The following SPNS2 variants were observed in gnomAD, a reference collection of about 807,000 sequenced individuals.
SPNS2 encodes sphingosine-1-phosphate transporter SPNS2.
SPNS2 carries 37 observed loss-of-function variants against 57.6 expected under a neutral mutation model. That is an observed-to-expected ratio of 0.64 (90% CI 0.49 to 0.85). The LOEUF is 0.85. Ranked by LOEUF, SPNS2 falls within the 40% of genes least tolerant of loss-of-function variation. The pLI is 0.00. For synonymous variants in SPNS2, 440 were observed against 346.9 expected, an observed-to-expected ratio of 1.27 and a Z score of -2.98; for missense variants, 831 against 779.1, an observed-to-expected ratio of 1.07 and a Z score of -0.79.
At chr17:4,507,955 G>A (rs1360865756) in intron 1 of SPNS2, among the ~76,000 whole-genome samples, 1 of 152,224 alleles carries the variant, frequency 6.6e-6, no homozygotes, top group Non-Finnish European at 1.5e-5. Flanking sequence ...CTGGCTGGAG[G>A]AGGGAGGAGG....
rs575394152 is a variant in SPNS2 at position 4,518,306 on chromosome 17, C to T, written c.436+4994C>T. Among the ~76,000 whole-genome samples, 7 of 152,196 alleles carry T rather than the reference C, an allele frequency of 4.6e-5. No homozygotes were observed. The South Asian group carries it at 1.2e-3, about 27-fold the overall frequency. The stretch of plus-strand genomic sequence containing the variant: ...TTGGGAGGCTGAGGCGGGTGGATCA[C>T]GAGGTCAGGAGATCGAGACCATCCT... On this transcript the variant is annotated intron_variant, in intron 2 of 12. Coordinates refer to ENST00000329078, the MANE Select transcript of SPNS2 (RefSeq NM_001124758.3).
chr17:4,536,962 G>T lies in SPNS2; in HGVS notation c.*4+16G>T. 6.2e-7 allele frequency: 1 copy of T among 1,612,166 alleles called. No individual in the cohort carries two copies. The highest frequency in any genetic ancestry group is 8.5e-7 in the Non-Finnish European group (1 of 1,179,276). ...GTCTGAGGTGGTGAGTGCAGGCCGG[G>T]AGGCACGTGGGGGCTCCCTAAGGAA... On this transcript the variant is annotated intron_variant, in intron 12 of 12. Coordinates refer to ENST00000329078, the MANE Select transcript of SPNS2 (RefSeq NM_001124758.3).
intron 3 of SPNS2, among the ~76,000 whole-genome samples, chr17:4,528,099 T>G (rs920010150): frequency 2.0e-5 from 3 of 152,140 alleles, no homozygotes; most frequent in Non-Finnish European, 2.9e-5. Flanking sequence ...CTGGGTTCAC[T>G]GCAACCTCCG....
intron 3 of SPNS2, among the ~76,000 whole-genome samples, chr17:4,529,213 C>T (rs558089059): frequency 2.0e-5 from 3 of 151,884 alleles, no homozygotes; most frequent in South Asian, 2.1e-4. Flanking sequence ...GGATTACAGG[C>T]GTGAGCCACT....
chr17:4,521,183 C>A (rs1022770394), intron 2 of SPNS2, among the ~76,000 whole-genome samples: 1 of 152,106 alleles, frequency 6.6e-6, no homozygotes, highest in Non-Finnish European at 1.5e-5. Context: ...AAGATCTGCC[C>A]CTGGCCAGAC....
At position 4,536,155 on chromosome 17, in the gene SPNS2, G is replaced by C; in HGVS notation, c.1424G>C (p.Ser475Thr). The change falls in exon 10 of 13, where the codon AGC becomes ACC. Residue 475 changes from serine to threonine, a missense_variant. By Grantham distance (58) the Ser-to-Thr change is moderately conservative. Coordinates refer to ENST00000329078, the MANE Select transcript of SPNS2 (RefSeq NM_001124758.3). Reference protein sequence around the residue: ...FTSHLLGDAGSPYLIGFISDL... With the variant: ...FTSHLLGDAGTPYLIGFISDL... ...TCCCACCTGCTGGGGGACGCCGGGA[G>C]CCCCTACCTCATTGGCTTTGTGAGT... 1 of 1,612,390 alleles carries C rather than the reference G, an allele frequency of 6.2e-7. No individual in the cohort carries two copies. The highest frequency in any genetic ancestry group is 8.5e-7 in the Non-Finnish European group (1 of 1,179,830).
chr17:4,534,598 TGA>T (rs1905675915), intron 9 of SPNS2, among the ~76,000 whole-genome samples: 1 of 151,878 alleles, frequency 6.6e-6, no homozygotes, highest in South Asian at 2.1e-4. Context: ...GCCCGGGAGA[TGA>T]GTGTGCCAGG....
intron 1 of SPNS2, among the ~76,000 whole-genome samples, chr17:4,501,504 G>A (rs1286846859): frequency 1.3e-5 from 2 of 152,162 alleles, no homozygotes. Context: ...GGAAAGTCCT[G>A]TGCAAACACT....
chr17:4,501,170 T>C (rs978335100), intron 1 of SPNS2, among the ~76,000 whole-genome samples: 1 of 152,182 alleles, frequency 6.6e-6, no homozygotes, highest in Admixed American at 6.5e-5. Context: ...ACAGTAAGGC[T>C]CTGCCTGGGA....
In SPNS2 at chr17:4,536,355, G is replaced by A. The variant is rs1469485254; in HGVS notation, c.1536G>A (p.Val512=). ...CGCTCATGCTCTGCCCTTTCGTCGT[G>A]GTCCTGGGCGGCATGTTCTTCCTCG... ...GYALMLCPFV[V]VLGGMFFLAT... The change falls in exon 11 of 13, where the codon GTG becomes GTA. Residue 512 remains valine (V), a synonymous_variant. Transcript: ENST00000329078. 6.2e-7 allele frequency: 1 copy of A among 1,610,568 alleles called. No individual in the cohort carries two copies. The highest frequency in any genetic ancestry group is 2.2e-5 in the East Asian group (1 of 44,872).
rs756173574 is a variant in SPNS2 at position 4,538,958 on chromosome 17, G to A, written c.*1510G>A. ...TGCTCCTTTATTTTTTAGAGCTGCT[G>A]ATTGTGAATCTCAGAGTCTTAAGAG... On this transcript the variant is annotated 3_prime_UTR_variant, in exon 13 of 13. Transcript: ENST00000329078. 3 of 786,630 alleles carry A rather than the reference G, an allele frequency of 3.8e-6. 1 individual carries two copies. Among genetic ancestry groups the A allele is most frequent in the Admixed American group, 3.4e-5 (2 of 59,038 alleles). 48.7% of individuals were successfully genotyped at this position (786,630 alleles called of 1,614,324 possible).
intron 3 of SPNS2, among the ~76,000 whole-genome samples, chr17:4,527,059 G>A (rs1007134560): frequency 1.2e-4 from 18 of 152,192 alleles, no homozygotes; most frequent in African/African-American, 3.9e-4. Context: ...TGCCAGGTCC[G>A]GGTCCATCTC....
chr17:4,515,323 G>C (rs1347225253), intron 2 of SPNS2, among the ~76,000 whole-genome samples: 1 of 152,188 alleles, frequency 6.6e-6, no homozygotes, highest in African/African-American at 2.4e-5. Context: ...AGGGACAAAG[G>C]CCCAAGACAG....
At position 4,533,228 on chromosome 17, in the gene SPNS2, C is replaced by T. The variant is rs1465980722; in HGVS notation, c.1089-15C>T. The T allele has an allele frequency of 5.7e-6, 9 of 1,589,482 alleles. No individual in the cohort carries two copies. Among genetic ancestry groups the T allele is most frequent in the Non-Finnish European group, 3.4e-6 (4 of 1,164,486 alleles). On this transcript the variant is annotated splice_polypyrimidine_tract_variant and intron_variant, in intron 7 of 12. Transcript: ENST00000329078. ...GCCGCCTCAACTCGTGCGCCACCAT[C>T]CTCTGTCCCCACAGCCTCATCTTTG...
Position 4,533,007 on chromosome 17 carries a change from G to A in SPNS2, c.966G>A (p.Thr322=), listed in dbSNP as rs61733345. 1,733 of 1,613,134 alleles carry A rather than the reference G, an allele frequency of 1.1e-3. 15 individuals are homozygous for A. In the African/African-American group the frequency reaches 0.018, roughly 17 times the overall value. ...GCTACGTCTTCTCCTCCCTGGCCAC[G>A]TCGGCTGTCTCCTTCGCCACGGGGG... ...NRSYVFSSLA[T]SAVSFATGAL... Residue 322 remains threonine (T), a synonymous_variant, in exon 7 of 13, where the codon ACG becomes ACA. Coordinates refer to ENST00000329078, the MANE Select transcript of SPNS2 (RefSeq NM_001124758.3).
At position 4,498,932 on chromosome 17, in the gene SPNS2, C is replaced by A. The variant is rs1051203181; in HGVS notation, c.-116C>A. On this transcript the variant is annotated 5_prime_UTR_variant, in exon 1 of 13. Transcript: ENST00000329078. ...GCAGCCGGGGCCGGAGCGCAGGAGC[C>A]GACGGGGCCCGACCAGGATGGTGCA... 6 of 549,720 alleles carry A rather than the reference C, an allele frequency of 1.1e-5. No homozygotes were observed. Among genetic ancestry groups the A allele is most frequent in the African/African-American group, 2.1e-5 (1 of 48,450 alleles). 34.1% of individuals were successfully genotyped at this position (549,720 alleles called of 1,614,324 possible).
At chr17:4,527,739 C>T (rs1466931767) in intron 3 of SPNS2, among the ~76,000 whole-genome samples, 1 of 152,140 alleles carries the variant, frequency 6.6e-6, no homozygotes, top group Non-Finnish European at 1.5e-5. Context: ...AAAAGGCTGA[C>T]AATACCAAGT....
Position 4,512,099 on chromosome 17 carries a change from T to A in SPNS2, c.371-1148T>A, listed in dbSNP as rs571385908. Reference sequence around the variant, plus strand: ...GTTCGGCAAACCATCATCTGTTGAATGCTGCCATCATCATCGTCATCATGA... The same window carrying A: ...GTTCGGCAAACCATCATCTGTTGAAAGCTGCCATCATCATCGTCATCATGA... On this transcript the variant is annotated intron_variant, in intron 1 of 12. Transcript: ENST00000329078. The surrounding 1 kb of genome is among the most constrained non-coding windows in gnomAD (Gnocchi z 5.2). Among the ~76,000 whole-genome samples the A allele has an allele frequency of 6.6e-6, 1 of 152,364 alleles. No individual in the cohort carries two copies. Among genetic ancestry groups the A allele is most frequent in the African/African-American group, 2.4e-5 (1 of 41,578 alleles).
At chr17:4,503,000 G>A (rs1297368396) in intron 1 of SPNS2, among the ~76,000 whole-genome samples, 1 of 152,216 alleles carries the variant, frequency 6.6e-6, no homozygotes, top group Non-Finnish European at 1.5e-5. Flanking sequence ...GAGCGGGTGA[G>A]GAGGGCCAGG....
Sources: allele counts gnomAD v4.1 joint callset (sites outside exome capture counted in the v4.1 genomes callset), GRCh38; gene constraint gnomAD v4.1.1; non-coding constraint Gnocchi (gnomAD v3.1); transcripts MANE v1.5; gene names NCBI Gene and HGNC (gene_info 2026-07-23, HGNC 2026-07-21).